Variants in ARHGAP6 observed in about 807,000 individuals in gnomAD.
ARHGAP6 encodes rho GTPase-activating protein 6.
A neutral mutation model predicts 55.7 loss-of-function variants in ARHGAP6; 16 were observed. That is an observed-to-expected ratio of 0.29 (90% CI 0.19 to 0.44). The LOEUF is 0.44. Among genes scored for constraint, ARHGAP6 ranks in the 20% least tolerant of loss-of-function variants. The probability of loss-of-function intolerance (pLI) is 1.00; values close to 1 mark genes in which losing one functional copy is unlikely to be tolerated. For synonymous variants in ARHGAP6, 382 were observed against 360.9 expected (o/e 1.06, Z -0.66); for missense variants, 698 against 808.9 (o/e 0.86, Z 1.66).
intron 1 of ARHGAP6, among the ~76,000 whole-genome samples, chrX:11,591,009 T>G (rs781363357): frequency 9.3e-6 from 1 of 107,810 alleles, no homozygotes; most frequent in East Asian, 2.9e-4. Context: ...CTAGCCAAGA[T>G]GGTGAAACCC....
At chrX:11,645,591 A>G in intron 1 of ARHGAP6, among the ~76,000 whole-genome samples, 1 of 112,314 alleles carries the variant, frequency 8.9e-6, no homozygotes, top group Non-Finnish European at 1.9e-5. Flanking sequence ...ACTTTCAAAT[A>G]AAGTTTCAAA....
intron 1 of ARHGAP6, among the ~76,000 whole-genome samples, chrX:11,431,552 G>A (rs1423578718): frequency 1.8e-5 from 2 of 111,492 alleles, no homozygotes; most frequent in East Asian, 5.6e-4. Flanking sequence ...CAGATGGCAG[G>A]ACAGGCCCTT....
intron 1 of ARHGAP6, among the ~76,000 whole-genome samples, chrX:11,457,031 T>C (rs1034100008): frequency 3.6e-5 from 4 of 111,562 alleles, no homozygotes; most frequent in African/African-American, 1.3e-4. Context: ...AATACTGCTA[T>C]CAATAGAGCG....
intron 2 of ARHGAP6, among the ~76,000 whole-genome samples, chrX:11,253,512 T>C (rs1456296991): frequency 1.8e-5 from 2 of 111,915 alleles, no homozygotes; most frequent in Non-Finnish European, 3.8e-5. Context: ...CTGCCCAATG[T>C]TGCTTTTCAT....
intron 2 of ARHGAP6, among the ~76,000 whole-genome samples, chrX:11,251,338 T>C (rs950251184): frequency 2.7e-5 from 3 of 112,033 alleles, no homozygotes; most frequent in African/African-American, 9.7e-5. Context: ...CATTATAGTG[T>C]AAAAGAAGGT....
intron 1 of ARHGAP6, among the ~76,000 whole-genome samples, chrX:11,485,284 C>T (rs945287871): frequency 2.7e-5 from 3 of 111,895 alleles, no homozygotes; most frequent in Non-Finnish European, 5.6e-5. Flanking sequence ...AATGCCTAGT[C>T]TTCCAGGATG....
intron 1 of ARHGAP6, among the ~76,000 whole-genome samples, chrX:11,374,186 C>G (rs1339363957): frequency 9.0e-6 from 1 of 111,134 alleles, no homozygotes; most frequent in Non-Finnish European, 1.9e-5. Flanking sequence ...ATGGAGTGGG[C>G]CCAAGAGAGA....
At chrX:11,568,614 G>T (rs2051474414) in intron 1 of ARHGAP6, among the ~76,000 whole-genome samples, 1 of 110,609 alleles carries the variant, frequency 9.0e-6, no homozygotes, top group Non-Finnish European at 1.9e-5. Context: ...AAAATTAGCT[G>T]GCTATGATGG....
chrX:11,451,814 A>G (rs184007823), intron 1 of ARHGAP6, among the ~76,000 whole-genome samples: 1 of 112,435 alleles, frequency 8.9e-6, no homozygotes, highest in East Asian at 2.8e-4. Flanking sequence ...GAAGGTAGAG[A>G]TGATGTCTTC....
chrX:11,460,888 A>C (rs919964251), intron 1 of ARHGAP6, among the ~76,000 whole-genome samples: 3 of 112,078 alleles, frequency 2.7e-5, no homozygotes, highest in Non-Finnish European at 5.6e-5. Flanking sequence ...AAATGAGCTT[A>C]TTTATTAGTC....
At chrX:11,493,588 G>GT (rs1293845311) in intron 1 of ARHGAP6, among the ~76,000 whole-genome samples, 3 of 111,575 alleles carry the variant, frequency 2.7e-5, no homozygotes, top group Non-Finnish European at 5.6e-5. Flanking sequence ...ACTGCCAGTG[G>GT]TTTGGGGTAT....
chrX:11,386,361 G>C (rs1368437561), intron 1 of ARHGAP6, among the ~76,000 whole-genome samples: 1 of 112,960 alleles, frequency 8.9e-6, no homozygotes, highest in African/African-American at 3.2e-5. Context: ...CAAGGATAAA[G>C]ATCTTTGCAA....
chrX:11,210,627 G>C (rs934949063), intron 2 of ARHGAP6, among the ~76,000 whole-genome samples: 2 of 112,340 alleles, frequency 1.8e-5, no homozygotes, highest in African/African-American at 3.2e-5. Flanking sequence ...TCTTTCACAA[G>C]TGAAATTCCC....
intron 4 of ARHGAP6, 67 bp downstream of exon 4, chrX:11,188,661 G>A: frequency 1.7e-6 from 2 of 1,143,296 alleles, no homozygotes; most frequent in Non-Finnish European, 2.3e-6. Flanking sequence ...GAACAAAAAC[G>A]CAAAGAATAA....
At chrX:11,635,257 G>A (rs184252478) in intron 1 of ARHGAP6, among the ~76,000 whole-genome samples, 152 of 111,988 alleles carry the variant, frequency 1.4e-3, no homozygotes, top group African/African-American at 4.7e-3. Context: ...CAGAAGGCAA[G>A]GATCACTGTA....
chrX:11,156,377 T>C, intron 10 of ARHGAP6, 152 bp downstream of exon 10: 1 of 384,350 alleles, frequency 2.6e-6, no homozygotes, highest in Non-Finnish European at 4.4e-6. Flanking sequence ...AAGCATTTTC[T>C]GGTTAGATGG....
intron 1 of ARHGAP6, among the ~76,000 whole-genome samples, chrX:11,584,615 C>G (rs1479699945): frequency 9.0e-6 from 1 of 111,557 alleles, no homozygotes; most frequent in Admixed American, 9.6e-5. Flanking sequence ...ACAGGAGGGT[C>G]TGCCCACAGG....
intron 1 of ARHGAP6, chrX:11,296,958 G>A (rs1311590745): frequency 3.2e-6 from 3 of 933,721 alleles, no homozygotes; most frequent in East Asian, 3.1e-5. Flanking sequence ...CCTACCACCA[G>A]CTTCCCAGTT....
chrX:11,462,309 CCTCAT>C (rs1249439483), intron 1 of ARHGAP6, among the ~76,000 whole-genome samples: 1 of 111,936 alleles, frequency 8.9e-6, no homozygotes, highest in Non-Finnish European at 1.9e-5. Flanking sequence ...AAGGGAACTG[CCTCAT>C]CTCTTCTCCA....
Sources: allele counts gnomAD v4.1 joint callset (sites outside exome capture counted in the v4.1 genomes callset), GRCh38; gene constraint gnomAD v4.1.1; transcripts MANE v1.5; gene names NCBI Gene and HGNC (gene_info 2026-07-23, HGNC 2026-07-21).